The following MEF2B variants were observed in gnomAD, a reference collection of about 807,000 sequenced individuals.
MEF2B encodes myocyte-specific enhancer factor 2B.
In MEF2B, 15 loss-of-function variants were observed where a neutral mutation model predicts 32.2. The ratio of observed to expected loss-of-function variants is 0.47; its 90% CI spans 0.31 to 0.72. The LOEUF is 0.72. MEF2B is among the 30% of genes least tolerant of loss of function. MEF2B has a pLI of 0.05. For synonymous variants in MEF2B, 205 were observed against 225.6 expected (o/e 0.91, Z 0.82); for missense variants, 441 against 511.5 (o/e 0.86, Z 1.33).
At chr19:19,149,876 C>T (rs551777165) in intron 2 of MEF2B, among the ~76,000 whole-genome samples, 2 of 151,310 alleles carry the variant, frequency 1.3e-5, no homozygotes, top group East Asian at 2.0e-4. Context: ...GTCAGGAGTT[C>T]GAGGCTAGCC....
At chr19:19,168,885 C>CA (rs1456930384) in intron 1 of MEF2B, among the ~76,000 whole-genome samples, 1 of 146,496 alleles carries the variant, frequency 6.8e-6, no homozygotes, top group Non-Finnish European at 1.5e-5. Context: ...AACGTCTCTA[C>CA]AAAAAATGCA....
intron 1 of MEF2B, among the ~76,000 whole-genome samples, chr19:19,165,864 C>T (rs1221801395): frequency 3.3e-5 from 5 of 152,150 alleles, no homozygotes; most frequent in Non-Finnish European, 7.4e-5. Flanking sequence ...CTCCCTTCCT[C>T]AGGCCCCACC....
chr19:19,162,695 G>A (rs1157493499), intron 1 of MEF2B, among the ~76,000 whole-genome samples: 1 of 152,146 alleles, frequency 6.6e-6, no homozygotes, highest in Non-Finnish European at 1.5e-5. Flanking sequence ...TGTTCGAGGG[G>A]CAGGAGTCCA....
intron 1 of MEF2B, among the ~76,000 whole-genome samples, chr19:19,153,591 C>T (rs1568549490): frequency 6.6e-6 from 1 of 151,798 alleles, no homozygotes; most frequent in African/African-American, 2.4e-5. Context: ...CAAGTAGCTG[C>T]GATTACGGGC....
Position 19,146,332 on chromosome 19 carries a change from G to T in MEF2B, c.822C>A (p.Thr274=). The change falls in exon 8 of 9, where the codon ACC becomes ACA. Residue 274 remains threonine, a synonymous_variant. Coordinates refer to ENST00000424583, the MANE Select transcript of MEF2B (RefSeq NM_001145785.2). The part of the protein sequence containing the change: ...PPPPGLLQPP[T]LAPWQPSRGD... ...CCCTCGAGGGCTGCCAGGGGGCCAG[G>T]GTGGGGGGCTGCAACAAGCCAGGGG... 2 of 1,250,756 alleles carry T rather than the reference G, an allele frequency of 1.6e-6. No homozygotes were observed. The highest frequency in any genetic ancestry group is 2.1e-6 in the Non-Finnish European group (2 of 954,606). 77.5% of individuals were successfully genotyped at this position (1,250,756 alleles called of 1,614,324 possible).
intron 1 of MEF2B, among the ~76,000 whole-genome samples, chr19:19,165,314 A>T (rs545931394): frequency 6.6e-6 from 1 of 151,896 alleles, no homozygotes; most frequent in South Asian, 2.1e-4. Context: ...GGAGGGTACC[A>T]CACCTGTAAT....
chr19:19,167,397 G>A (rs986254735), intron 1 of MEF2B, among the ~76,000 whole-genome samples: 6 of 150,414 alleles, frequency 4.0e-5, no homozygotes, highest in Admixed American at 1.3e-4. Flanking sequence ...TGGTGTGAGC[G>A]CGTATTCCTA....
At chr19:19,150,158 G>GGAAGGAA (rs1568547518) in intron 2 of MEF2B, among the ~76,000 whole-genome samples, 3 of 132,504 alleles carry the variant, frequency 2.3e-5, no homozygotes, top group Admixed American at 7.5e-5. Context: ...GAGGGAAGGA[G>GGAAGGAA]GGAGGGAGGG....
intron 1 of MEF2B, among the ~76,000 whole-genome samples, chr19:19,153,780 T>A (rs1188388971): frequency 6.6e-6 from 1 of 152,036 alleles, no homozygotes; most frequent in Non-Finnish European, 1.5e-5. Flanking sequence ...TGAGACAGTC[T>A]TGCTCTGTTG....
intron 1 of MEF2B, 55 bp downstream of exon 1, chr19:19,170,150 C>G (rs2060242607): frequency 2.5e-6 from 1 of 398,448 alleles, no homozygotes; most frequent in Non-Finnish European, 4.4e-6. Context: ...CCCACCCAGC[C>G]CGCAGAAGCC....
chr19:19,170,261 G>T lies in MEF2B; in HGVS notation c.-86C>A. On this transcript the variant is annotated 5_prime_UTR_variant, in exon 1 of 9. Transcript: ENST00000424583. ...CACGGACCCGCGGCGGCTGCACGAA[G>T]ATCAGGGGCCCGCGGCCGCAGGTGC... 3 of 398,502 alleles carry T rather than the reference G, an allele frequency of 7.5e-6. No homozygotes were observed. The highest frequency in any genetic ancestry group is 1.3e-4 in the South Asian group (1 of 7,856). The allele number at this position is 398,502 out of a possible 1,614,324, so 24.7% of individuals were successfully genotyped here.
At chr19:19,158,750 G>A (rs920429774) in intron 1 of MEF2B, among the ~76,000 whole-genome samples, 1 of 151,008 alleles carries the variant, frequency 6.6e-6, no homozygotes, top group African/African-American at 2.4e-5. Context: ...ACAGCCAGAC[G>A]CTGTCTCAGA....
At chr19:19,147,916 T>C in intron 3 of MEF2B, 84 bp from the exon 4 acceptor site, 1 of 1,514,688 alleles carries the variant, frequency 6.6e-7, no homozygotes, top group Non-Finnish European at 8.8e-7. Flanking sequence ...GGACAGACCA[T>C]CCCCACCCAG....
At chr19:19,169,016 C>T (rs1419785870) in intron 1 of MEF2B, among the ~76,000 whole-genome samples, 1 of 151,896 alleles carries the variant, frequency 6.6e-6, no homozygotes, top group Non-Finnish European at 1.5e-5. Flanking sequence ...TGAGCCACTG[C>T]GCTCCAGCCT....
At chr19:19,146,692 G>T (rs2060029144) in intron 6 of MEF2B, 44 bp from the exon 7 acceptor site, 1 of 1,613,570 alleles carries the variant, frequency 6.2e-7, no homozygotes, top group East Asian at 2.2e-5. Context: ...CCCACACCCA[G>T]GTCGCCCTGC....
chr19:19,169,165 C>G (rs948253452), intron 1 of MEF2B, among the ~76,000 whole-genome samples: 5 of 151,888 alleles, frequency 3.3e-5, no homozygotes, highest in African/African-American at 1.2e-4. Context: ...CCAGCCTGGC[C>G]AACATGGTGA....
intron 1 of MEF2B, among the ~76,000 whole-genome samples, chr19:19,161,474 C>T (rs1255269745): frequency 6.6e-6 from 1 of 152,006 alleles, no homozygotes; most frequent in East Asian, 1.9e-4. Context: ...GCCAAACCCC[C>T]CAACCCACAC....
chr19:19,151,617 C>T (rs1479615296), intron 1 of MEF2B, among the ~76,000 whole-genome samples: 1 of 152,162 alleles, frequency 6.6e-6, no homozygotes, highest in Non-Finnish European at 1.5e-5. Context: ...CTCCACCTCC[C>T]AGCCTCTACC....
chr19:19,147,011 C>G, intron 5 of MEF2B, 25 bp downstream of exon 5: 1 of 1,577,244 alleles, frequency 6.3e-7, no homozygotes, highest in East Asian at 2.2e-5. Context: ...AGGACCTCAC[C>G]CCTGCCCCAC....
Sources: gnomAD v4.1 joint callset for allele counts (sites outside exome capture counted in the v4.1 genomes callset) on GRCh38, gnomAD v4.1.1 for gene constraint, MANE v1.5 for transcripts, NCBI Gene and HGNC (gene_info 2026-07-23, HGNC 2026-07-21) for gene names.